Variants in NUP153 observed in about 807,000 individuals in gnomAD.
NUP153 encodes nucleoporin 153, also known as nuclear pore complex protein Nup153.
A neutral mutation model predicts 134.6 loss-of-function variants in NUP153; 27 were observed. That is an observed-to-expected ratio of 0.20 (90% CI 0.15 to 0.28). NUP153 has a LOEUF of 0.28. Among genes scored for constraint, NUP153 ranks in the 10% least tolerant of loss-of-function variants. NUP153 has a pLI of 1.00. For missense variants in NUP153, 1,821 were observed against 1,731.3 expected (o/e 1.05, Z -0.92); for synonymous variants, 640 against 623.5 (o/e 1.03, Z -0.40).
In NUP153 at chr6:17,688,505, A is replaced by T; in HGVS notation, c.225T>A (p.Val75=). ...VCSCSTDTSE[V]PRWPENKEDH... is the part of the protein sequence containing the mutation. ...CCTCTTTATTTTCTGGCCAGCGTGG[A>T]ACCTCGCTTGTGTCTGTTGAACAGC... Residue 75 remains valine, a synonymous_variant, in exon 2 of 22, where the codon GTT becomes GTA. Transcript: ENST00000262077. 1 of 1,614,030 alleles carries T rather than the reference A, an allele frequency of 6.2e-7. No homozygotes were observed. Among genetic ancestry groups the T allele is most frequent in the Non-Finnish European group, 8.5e-7 (1 of 1,179,926 alleles).
At chr6:17,674,858 A>G (rs754493482) in intron 5 of NUP153, 47 bp downstream of exon 5, 4 of 1,304,044 alleles carry the variant, frequency 3.1e-6, no homozygotes, top group South Asian at 1.7e-5. Context: ...GTTAAAGTGT[A>G]AAAAAAAAGA....
In NUP153 at chr6:17,625,469, G is replaced by A. The variant is rs1764882774; in HGVS notation, c.3901+339C>T. Reference sequence around the variant, plus strand: ...TGCTTGAACTCGGGAGAGGCAGGTTGCAGTGAGCTGAGATTGCACCACTGC... The same window carrying A: ...TGCTTGAACTCGGGAGAGGCAGGTTACAGTGAGCTGAGATTGCACCACTGC... On this transcript the variant is annotated intron_variant, in intron 19 of 21. Transcript: ENST00000262077. The surrounding 1 kb of genome is among the most constrained non-coding windows in gnomAD (Gnocchi z 4.7). 6.6e-6 allele frequency among the ~76,000 whole-genome samples: 1 copy of A among 152,178 alleles called. No homozygotes were observed. The highest frequency in any genetic ancestry group is 1.5e-5 in the Non-Finnish European group (1 of 68,040).
intron 1 of NUP153, among the ~76,000 whole-genome samples, chr6:17,699,160 C>A (rs940119572): frequency 6.6e-6 from 1 of 151,220 alleles, no homozygotes; most frequent in African/African-American, 2.4e-5. Flanking sequence ...ATATTACAAC[C>A]ATGAAGATAA....
chr6:17,634,374 A>G (rs1765410667), intron 16 of NUP153, among the ~76,000 whole-genome samples: 1 of 152,262 alleles, frequency 6.6e-6, no homozygotes, highest in Middle Eastern at 3.4e-3. Flanking sequence ...TCAAATATCA[A>G]AACTATGGAT....
intron 14 of NUP153, among the ~76,000 whole-genome samples, chr6:17,643,677 A>G (rs948352366): frequency 2.0e-5 from 3 of 152,216 alleles, no homozygotes; most frequent in African/African-American, 4.8e-5. Flanking sequence ...CAAAGTAATC[A>G]TGACTTCCAC....
chr6:17,629,626 A>C, intron 17 of NUP153, 87 bp from the exon 18 acceptor site: 2 of 1,255,168 alleles, frequency 1.6e-6, no homozygotes, highest in Non-Finnish European at 2.2e-6. Context: ...CCAAAGAAAC[A>C]TAGGAGTAAC....
At chr6:17,651,797 T>G in intron 11 of NUP153, 1 of 562,552 alleles carries the variant, frequency 1.8e-6, no homozygotes, top group Non-Finnish European at 3.4e-6. Context: ...TCAAAATCCA[T>G]GAAACAAAAA....
At chr6:17,657,102 G>A (rs946108152) in intron 11 of NUP153, among the ~76,000 whole-genome samples, 5 of 152,144 alleles carry the variant, frequency 3.3e-5, no homozygotes, top group Admixed American at 3.3e-4. Flanking sequence ...AAAAATAAAA[G>A]TTCTGAGATC....
chr6:17,696,552 G>A (rs534465283), intron 1 of NUP153, among the ~76,000 whole-genome samples: 29 of 152,140 alleles, frequency 1.9e-4, no homozygotes, highest in African/African-American at 6.0e-4. Context: ...TCAGGAGATC[G>A]AGACCATCCT....
chr6:17,703,257 A>G (rs1770247067), intron 1 of NUP153, among the ~76,000 whole-genome samples: 1 of 152,128 alleles, frequency 6.6e-6, no homozygotes, highest in Non-Finnish European at 1.5e-5. Context: ...GTAAACTTAC[A>G]GCATTTCCCA....
chr6:17,696,545 G>A (rs1194993915), intron 1 of NUP153, among the ~76,000 whole-genome samples: 1 of 152,100 alleles, frequency 6.6e-6, no homozygotes, highest in Non-Finnish European at 1.5e-5. Flanking sequence ...CACAAGGTCA[G>A]GAGATCGAGA....
At chr6:17,654,094 C>T (rs1766663727) in intron 11 of NUP153, among the ~76,000 whole-genome samples, 1 of 152,124 alleles carries the variant, frequency 6.6e-6, no homozygotes, top group Non-Finnish European at 1.5e-5. Flanking sequence ...TGTGTGTATA[C>T]GCTGCACAGT....
At position 17,655,276 on chromosome 6, in the gene NUP153, G is replaced by A. The variant is rs571587597; in HGVS notation, c.1396-5976C>T. The stretch of plus-strand genomic sequence containing the variant: ...TTCCAAATGGGTAATTTTACATATA[G>A]AGTTCTATTAACCTGAATTTAATGG... On this transcript the variant is annotated intron_variant, in intron 11 of 21. Transcript: ENST00000262077. 8.0e-4 allele frequency among the ~76,000 whole-genome samples: 121 copies of A among 152,140 alleles called. 1 individual carries two copies. The highest frequency in any genetic ancestry group is 1.5e-3 in the Non-Finnish European group (100 of 68,010).
intron 11 of NUP153, among the ~76,000 whole-genome samples, chr6:17,655,680 C>T (rs1440493284): frequency 6.6e-6 from 1 of 151,964 alleles, no homozygotes; most frequent in Non-Finnish European, 1.5e-5. Context: ...TCTCGAGCTC[C>T]TGACCTCAGG....
At chr6:17,661,892 A>C in intron 10 of NUP153, 113 bp from the exon 11 acceptor site, 1 of 1,298,966 alleles carries the variant, frequency 7.7e-7, no homozygotes. Context: ...TGATTCTAAA[A>C]TCTTAGATTT....
Position 17,674,955 on chromosome 6 carries a change from C to T in NUP153, c.802G>A (p.Gly268Arg). 6.2e-7 allele frequency: 1 copy of T among 1,613,684 alleles called. No individual in the cohort carries two copies. The highest frequency in any genetic ancestry group is 8.5e-7 in the Non-Finnish European group (1 of 1,179,796). Residue 268 changes from glycine to arginine, a missense_variant, in exon 5 of 22, where the codon GGG becomes AGG. Physicochemically the swap from Gly to Arg is moderately radical, Grantham distance 125. Transcript: ENST00000262077. ...PFYPGKTTYG[G>R]AAAAVRQSKL... ...GACTGTCTTACAGCAGCTGCTGCCC[C>T]ACCGTATGTTGTTTTTCCAGGATAA...
At chr6:17,646,343 G>A (rs556537032) in intron 13 of NUP153, among the ~76,000 whole-genome samples, 189 bp from the exon 14 acceptor site, 98 of 152,148 alleles carry the variant, frequency 6.4e-4, no homozygotes, top group African/African-American at 2.2e-3. Context: ...GAGCAGCTGG[G>A]ACTACAGGAA....
intron 20 of NUP153, among the ~76,000 whole-genome samples, chr6:17,621,568 A>C (rs1404519330): frequency 3.9e-5 from 6 of 152,250 alleles, no homozygotes; most frequent in African/African-American, 1.2e-4. Context: ...ATGGCACTGA[A>C]GGACATTATG....
intron 1 of NUP153, among the ~76,000 whole-genome samples, chr6:17,691,729 C>T (rs1769286525): frequency 6.6e-6 from 1 of 152,116 alleles, no homozygotes; most frequent in Admixed American, 6.6e-5. Context: ...CTGGGTGACA[C>T]AGCGAGACTC....
Sources: allele counts gnomAD v4.1 joint callset (sites outside exome capture counted in the v4.1 genomes callset), GRCh38; gene constraint gnomAD v4.1.1; non-coding constraint Gnocchi (gnomAD v3.1); transcripts MANE v1.5; gene names NCBI Gene and HGNC (gene_info 2026-07-23, HGNC 2026-07-21).